ANO4: variants seen among roughly 807,000 people sequenced by gnomAD.
ANO4 encodes anoctamin 4, also known as anoctamin-4.
A neutral mutation model predicts 141.9 loss-of-function variants in ANO4; 69 were observed. That is an observed-to-expected ratio of 0.49 (90% CI 0.40 to 0.59). The LOEUF is 0.59. Among genes scored for constraint, ANO4 ranks in the 20% least tolerant of loss-of-function variants. The pLI is 0.00. For synonymous variants in ANO4, 350 were observed against 394.3 expected, an observed-to-expected ratio of 0.89 and a Z score of 1.33; for missense variants, 894 against 1,162.2, an observed-to-expected ratio of 0.77 and a Z score of 3.36.
At chr12:100,766,333 G>A (rs575071515) in intron 3 of ANO4, among the ~76,000 whole-genome samples, 33 of 152,150 alleles carry the variant, frequency 2.2e-4, no homozygotes, top group African/African-American at 5.3e-4. Context: ...TAAAGTTAGC[G>A]TCTTTATTTG....
At chr12:100,828,124 G>C (rs2079348401) in intron 1 of ANO4, among the ~76,000 whole-genome samples, 1 of 152,044 alleles carries the variant, frequency 6.6e-6, no homozygotes, top group Non-Finnish European at 1.5e-5. Context: ...AGGGTCCACT[G>C]TCTCATTGGG....
chr12:100,774,049 G>T (rs1273481919), intron 3 of ANO4, among the ~76,000 whole-genome samples: 1 of 152,124 alleles, frequency 6.6e-6, no homozygotes, highest in Non-Finnish European at 1.5e-5. Context: ...CAAATGACCT[G>T]CAAAGGAAAT....
At chr12:100,954,594 C>T (rs754330292) in intron 5 of ANO4, among the ~76,000 whole-genome samples, 6 of 152,172 alleles carry the variant, frequency 3.9e-5, no homozygotes, top group South Asian at 2.1e-4. Context: ...AAGGTGACAA[C>T]AAACAATATA....
intron 16 of ANO4, among the ~76,000 whole-genome samples, chr12:101,084,731 C>G (rs758129779): frequency 2.0e-5 from 3 of 152,166 alleles, no homozygotes; most frequent in African/African-American, 7.2e-5. Flanking sequence ...TCATGCTTTG[C>G]CTTCTATGTA....
chr12:100,804,468 G>A (rs952109399), intron 1 of ANO4, among the ~76,000 whole-genome samples: 2 of 152,166 alleles, frequency 1.3e-5, no homozygotes, highest in East Asian at 1.9e-4. Flanking sequence ...TATATACCCG[G>A]TAATGGGATT....
At chr12:100,812,402 C>T (rs2035494463) in intron 1 of ANO4, among the ~76,000 whole-genome samples, 1 of 152,094 alleles carries the variant, frequency 6.6e-6, no homozygotes, top group Non-Finnish European at 1.5e-5. Context: ...GGAAGTAGCT[C>T]TGTTGCCTTT....
At chr12:100,762,971 A>G (rs2032938510) in intron 3 of ANO4, among the ~76,000 whole-genome samples, 1 of 152,212 alleles carries the variant, frequency 6.6e-6, no homozygotes, top group Non-Finnish European at 1.5e-5. Context: ...TTGAAGTACT[A>G]GATGAGATAT....
intron 1 of ANO4, among the ~76,000 whole-genome samples, chr12:100,841,535 TA>T (rs2037248313): frequency 6.6e-6 from 1 of 152,026 alleles, no homozygotes; most frequent in Non-Finnish European, 1.5e-5. Context: ...GAATAATGAA[TA>T]GGGGGTTGCA....
At chr12:101,074,231 G>A (rs956959944) in intron 14 of ANO4, among the ~76,000 whole-genome samples, 1 of 152,136 alleles carries the variant, frequency 6.6e-6, no homozygotes, top group Non-Finnish European at 1.5e-5. Flanking sequence ...TAAGTATGAA[G>A]TGAGCATTCC....
intron 2 of ANO4, among the ~76,000 whole-genome samples, chr12:100,904,836 G>T (rs1285677911): frequency 6.6e-6 from 1 of 152,164 alleles, no homozygotes; most frequent in African/African-American, 2.4e-5. Context: ...AAAGGAGAAA[G>T]GTCAGATAGG....
intron 11 of ANO4, among the ~76,000 whole-genome samples, chr12:101,040,825 C>A (rs7133063): frequency 0.011 from 1,638 of 147,638 alleles, 22 homozygotes; most frequent in African/African-American, 0.038. Flanking sequence ...CATTGTTCAA[C>A]TCCCACTTAT....
intron 15 of ANO4, among the ~76,000 whole-genome samples, chr12:101,079,893 T>C (rs2049177196): frequency 6.6e-6 from 1 of 152,216 alleles, no homozygotes; most frequent in South Asian, 2.1e-4. Flanking sequence ...CCTGTCTTGT[T>C]CTAATAGTCT....
chr12:101,033,374 G>A (rs201042768), intron 9 of ANO4, among the ~76,000 whole-genome samples: 2 of 152,140 alleles, frequency 1.3e-5, no homozygotes, highest in Admixed American at 6.5e-5. Flanking sequence ...GCTAGATGAC[G>A]AGCTAGTGGG....
intron 14 of ANO4, among the ~76,000 whole-genome samples, chr12:101,073,261 T>A (rs949800102): frequency 4.6e-5 from 7 of 150,630 alleles, no homozygotes; most frequent in African/African-American, 1.7e-4. Context: ...GATGAGTTCA[T>A]GTCCTTTACA....
At chr12:100,967,046 G>A (rs1444464927) in intron 5 of ANO4, among the ~76,000 whole-genome samples, 1 of 151,766 alleles carries the variant, frequency 6.6e-6, no homozygotes, top group East Asian at 1.9e-4. Context: ...TTAAATAGAA[G>A]GTTTTCAGTA....
chr12:100,791,690 G>A (rs2034053353), upstream of ANO4, among the ~76,000 whole-genome samples: 1 of 152,170 alleles, frequency 6.6e-6, no homozygotes, highest in South Asian at 2.1e-4. Context: ...CCCCTCCTAT[G>A]TTCAAATCAG....
intron 5 of ANO4, among the ~76,000 whole-genome samples, chr12:100,960,437 A>G (rs536849181): frequency 6.6e-5 from 10 of 151,858 alleles, no homozygotes; most frequent in African/African-American, 2.4e-4. Context: ...TTGATAGACT[A>G]TACCGCTGTG....
chr12:100,759,411 T>C (rs1211703265), intron 3 of ANO4, among the ~76,000 whole-genome samples: 1 of 152,220 alleles, frequency 6.6e-6, no homozygotes, highest in African/African-American at 2.4e-5. Context: ...AAGTCAATGA[T>C]GAATTCTTAT....
At chr12:101,027,205 T>C (rs1280478311) in intron 9 of ANO4, among the ~76,000 whole-genome samples, 4 of 152,190 alleles carry the variant, frequency 2.6e-5, no homozygotes, top group Non-Finnish European at 5.9e-5. Flanking sequence ...ACCGTGCTTT[T>C]TTCCATGGGA....
Sources: gnomAD v4.1 joint callset for allele counts (sites outside exome capture counted in the v4.1 genomes callset) on GRCh38, gnomAD v4.1.1 for gene constraint, MANE v1.5 for transcripts, NCBI Gene and HGNC (gene_info 2026-07-23, HGNC 2026-07-21) for gene names.